THTPA: variants seen among roughly 807,000 people sequenced by gnomAD.
The protein encoded by THTPA is thiamine triphosphatase.
A neutral mutation model predicts 16.5 loss-of-function variants in THTPA; 16 were observed. The observed-to-expected ratio is 0.97, with a 90% confidence interval of 0.66 to 1.47. THTPA has a LOEUF of 1.47. THTPA is among the 40% of genes most tolerant of loss of function. THTPA has a pLI of 0.00. For synonymous variants in THTPA, 110 were observed against 115.5 expected (o/e 0.95, Z 0.30); for missense variants, 281 against 280.9 (o/e 1.00, Z 0.00).
chr14:23,537,146 C>T, the THTPA span, among the ~76,000 whole-genome samples: 1 of 152,050 alleles, frequency 6.6e-6, no homozygotes, highest in Non-Finnish European at 1.5e-5. Flanking sequence ...AAGAATGAAA[C>T]TCCGTCTCAC....
At chr14:23,546,665 A>G in the THTPA span, among the ~76,000 whole-genome samples, 4 of 152,150 alleles carry the variant, frequency 2.6e-5, no homozygotes, top group South Asian at 2.1e-4. This position sits in a 1 kb window ranked among gnomAD's most constrained non-coding sequence, Gnocchi z 4.7. Context: ...CAGAGAGGCA[A>G]GGGGCTCTGG....
At chr14:23,525,033 G>A in the THTPA span, 60 of 1,536,044 alleles carry the variant, frequency 3.9e-5, no homozygotes, top group South Asian at 5.9e-5. This position sits in a 1 kb window ranked among gnomAD's most constrained non-coding sequence, Gnocchi z 5.9. Context: ...ACCACCACAC[G>A]GCTAGCCAGA....
chr14:23,532,781 T>C, the THTPA span: 3 of 1,536,320 alleles, frequency 2.0e-6, no homozygotes, highest in Non-Finnish European at 2.6e-6. Context: ...CTTCTGAGCA[T>C]GTTTGTCAGT....
At chr14:23,532,342 G>C in the THTPA span, 1 of 503,072 alleles carries the variant, frequency 2.0e-6, no homozygotes, top group South Asian at 5.8e-5. Context: ...AACACCAGAA[G>C]AGCTGAATAA....
chr14:23,534,806 C>A, the THTPA span: 1 of 1,536,118 alleles, frequency 6.5e-7, no homozygotes, highest in South Asian at 1.2e-5. The surrounding 1 kb of genome is among the most constrained non-coding windows in gnomAD (Gnocchi z 4.5). Flanking sequence ...GGGTCAAAGC[C>A]ATGTTGGATG....
chr14:23,557,354 T>C, intron 1 of THTPA, 50 bp downstream of exon 1: 1 of 1,499,366 alleles, frequency 6.7e-7, no homozygotes, highest in Non-Finnish European at 8.8e-7. Context: ...ACTTTTCTCT[T>C]TTGGAGGCAC....
upstream of THTPA, among the ~76,000 whole-genome samples, chr14:23,553,627 G>A (rs2138962621): frequency 6.6e-6 from 1 of 152,090 alleles, no homozygotes; most frequent in East Asian, 1.9e-4. Context: ...GGGCGTGGTG[G>A]CTCACACCTG....
chr14:23,524,447 C>T, the THTPA span: 19 of 1,535,722 alleles, frequency 1.2e-5, no homozygotes, highest in South Asian at 2.4e-5. This position sits in a 1 kb window ranked among gnomAD's most constrained non-coding sequence, Gnocchi z 5.6. Flanking sequence ...CTCATGCTTC[C>T]GTTTGAGAGG....
chr14:23,558,274 T>C (rs1009269165), intron 1 of THTPA, among the ~76,000 whole-genome samples: 4 of 152,224 alleles, frequency 2.6e-5, no homozygotes, highest in African/African-American at 9.6e-5. Flanking sequence ...CTTCTTTCTA[T>C]AGCTCTTGGT....
chr14:23,553,073 A>G (rs184707156), upstream of THTPA, among the ~76,000 whole-genome samples: 356 of 152,374 alleles, frequency 2.3e-3, 1 homozygote, highest in African/African-American at 7.9e-3. Flanking sequence ...AACAGGCCCA[A>G]GGTCCAATGG....
At chr14:23,555,019 G>A (rs1056623152), upstream of THTPA, among the ~76,000 whole-genome samples, 1 of 151,892 alleles carries the variant, frequency 6.6e-6, no homozygotes, top group Admixed American at 6.6e-5. Flanking sequence ...ATGGAGTCTC[G>A]TTCTGTCGCC....
chr14:23,534,574 G>A, the THTPA span: 1 of 1,536,126 alleles, frequency 6.5e-7, no homozygotes, highest in Non-Finnish European at 8.7e-7. This position sits in a 1 kb window ranked among gnomAD's most constrained non-coding sequence, Gnocchi z 4.5. Context: ...ATCCATAAAG[G>A]CCTGGGGCTT....
chr14:23,537,126 C>T, the THTPA span, among the ~76,000 whole-genome samples: 1 of 152,054 alleles, frequency 6.6e-6, no homozygotes, highest in African/African-American at 2.4e-5. Flanking sequence ...CGTACTTCAG[C>T]CTGGGCAACA....
chr14:23,554,227 G>C (rs1274716563), upstream of THTPA, among the ~76,000 whole-genome samples: 1 of 152,158 alleles, frequency 6.6e-6, no homozygotes, highest in East Asian at 1.9e-4. Context: ...GGAAAAATTA[G>C]GTCTTCATCC....
At chr14:23,535,006 G>T in the THTPA span, 1 of 1,536,114 alleles carries the variant, frequency 6.5e-7, no homozygotes, top group South Asian at 1.2e-5. The surrounding 1 kb of genome is among the most constrained non-coding windows in gnomAD (Gnocchi z 4.5). Context: ...TAGGTCCATG[G>T]GAGGGAGCCC....
Position 23,560,001 on chromosome 14 carries a change from G to A in THTPA, c.*1161G>A. 6.2e-7 allele frequency: 1 copy of A among 1,612,186 alleles called. No homozygotes were observed. The highest frequency in any genetic ancestry group is 8.5e-7 in the Non-Finnish European group (1 of 1,179,002). ...GAAGGCCACCCCGAGCTGGAACTGT[G>A]TTCCCACTGGGGGCCTGCAGCTGCA... On this transcript the variant is annotated 3_prime_UTR_variant, in exon 2 of 2. Transcript: ENST00000288014.
the THTPA span, among the ~76,000 whole-genome samples, chr14:23,519,761 G>A: frequency 1.3e-5 from 2 of 152,198 alleles, no homozygotes; most frequent in South Asian, 2.1e-4. Context: ...CTGTCTGCAT[G>A]TAAGACACTG....
chr14:23,521,816 G>A, the THTPA span: 1 of 1,358,996 alleles, frequency 7.4e-7, no homozygotes. Flanking sequence ...GGTGTGTGGT[G>A]CCCACTGAGG....
chr14:23,519,100 G>A, the THTPA span, among the ~76,000 whole-genome samples: 3 of 152,102 alleles, frequency 2.0e-5, no homozygotes, highest in South Asian at 2.1e-4. Context: ...TGTTGGGACC[G>A]CACGTGGTAT....
Sources: gnomAD v4.1 joint callset for allele counts (sites outside exome capture counted in the v4.1 genomes callset) on GRCh38, gnomAD v4.1.1 for gene constraint, Gnocchi (gnomAD v3.1) non-coding constraint, MANE v1.5 for transcripts, NCBI Gene and HGNC (gene_info 2026-07-23, HGNC 2026-07-21) for gene names.